Variants in RBM26 observed in about 807,000 individuals in gnomAD.
The protein encoded by RBM26 is RNA binding motif protein 26, also known as RNA-binding protein 26.
Under a neutral mutation model 123.6 loss-of-function variants are expected in RBM26, and 30 were observed. The observed-to-expected ratio is 0.24, with a 90% CI of 0.18 to 0.33. The LOEUF (loss-of-function observed/expected upper bound fraction) is 0.33, where lower values mean the gene tolerates loss of function less well. RBM26 is among the 10% of genes least tolerant of loss of function. RBM26 has a pLI of 1.00. For synonymous variants in RBM26, 400 were observed against 404.4 expected (o/e 0.99, Z 0.13); for missense variants, 947 against 1,203.6 (o/e 0.79, Z 3.15).
intron 20 of RBM26, among the ~76,000 whole-genome samples, chr13:79,333,165 T>C (rs1472097236): frequency 3.9e-5 from 6 of 152,302 alleles, no homozygotes; most frequent in African/African-American, 1.4e-4. Flanking sequence ...CAATATAACA[T>C]ACACACATAC....
chr13:79,330,585 ACTGCAATC>A (rs2069136361), intron 20 of RBM26, among the ~76,000 whole-genome samples: 1 of 152,156 alleles, frequency 6.6e-6, no homozygotes, highest in Non-Finnish European at 1.5e-5. Flanking sequence ...CGAAAAGTAA[ACTGCAATC>A]CTATGGTTCC....
At position 79,368,822 on chromosome 13, in the gene RBM26, G is replaced by A. The variant is rs2075593244; in HGVS notation, c.803C>T (p.Thr268Ile). 1.2e-6 allele frequency: 2 copies of A among 1,613,782 alleles called. No individual in the cohort carries two copies. The highest frequency in any genetic ancestry group is 1.7e-6 in the Non-Finnish European group (2 of 1,179,764). ...IAPTHHGNNT[T>I]ESWSEFHEDQ... Reference sequence around the variant, plus strand: ...TTCATGAAATTCAGACCAACTTTCGGTAGTGTTGTTTCCATGATGAGTAGG... The same window carrying A: ...TTCATGAAATTCAGACCAACTTTCGATAGTGTTGTTTCCATGATGAGTAGG... The change falls in exon 6 of 22, where the codon ACC becomes ATC. Residue 268 changes from threonine to isoleucine, a missense_variant. By Grantham distance (89) the Thr-to-Ile change is moderately conservative (BLOSUM62 -1). This residue lies in a region of RBM26 where 275 missense variants were observed against 361.0 expected (regional missense o/e 0.76). Transcript: ENST00000438737.
intron 18 of RBM26, among the ~76,000 whole-genome samples, chr13:79,339,826 C>T (rs986303192): frequency 6.6e-6 from 1 of 152,172 alleles, no homozygotes; most frequent in Admixed American, 6.5e-5. Flanking sequence ...CCTTTTTTCA[C>T]CAGTTTTCTA....
chr13:79,372,584 C>T (rs1394731267), intron 3 of RBM26, among the ~76,000 whole-genome samples: 1 of 149,844 alleles, frequency 6.7e-6, no homozygotes, highest in Non-Finnish European at 1.5e-5. Flanking sequence ...AACATATATT[C>T]ATGTTTTGGT....
intron 5 of RBM26, among the ~76,000 whole-genome samples, 188 bp downstream of exon 5, chr13:79,370,757 T>C (rs1466799803): frequency 6.6e-6 from 1 of 152,238 alleles, no homozygotes; most frequent in Non-Finnish European, 1.5e-5. Context: ...GAATGTGTAG[T>C]GGTAACTGTG....
chr13:79,352,777 T>C (rs928568181), intron 14 of RBM26, among the ~76,000 whole-genome samples: 9 of 152,182 alleles, frequency 5.9e-5, no homozygotes, highest in African/African-American at 1.9e-4. Context: ...CCCAACGTCA[T>C]GCAGTTAGTA....
In RBM26 at chr13:79,366,051, G is replaced by A; in HGVS notation, c.1276+4C>T. ...TACGAATATAAAAAGGGCCAAAACT[G>A]CACCTGCAGTAAAAAGAGAGGGTGG... On this transcript the variant is annotated splice_donor_region_variant and intron_variant, in intron 8 of 21. Coordinates refer to ENST00000438737, the MANE Select transcript of RBM26 (RefSeq NM_001366735.2). 6.2e-7 allele frequency: 1 copy of A among 1,613,024 alleles called. No individual in the cohort carries two copies. The highest frequency in any genetic ancestry group is 1.7e-5 in the Admixed American group (1 of 59,882).
In RBM26 at chr13:79,344,700, A is replaced by G. The variant is rs10767; in HGVS notation, c.2153T>C (p.Val718Ala). 3 of 1,613,064 alleles carry G rather than the reference A, an allele frequency of 1.9e-6. No individual in the cohort carries two copies. In the South Asian group the frequency reaches 3.3e-5, roughly 18 times the overall value. ...QKTLLVSTSA[V>A]DNNEAQKKKQ... ...TTTTTTCTGTGCTTCATTATTATCA[A>G]CTGCAGAGGTGGAAACAAGTAAGGT... is the stretch of plus-strand genomic sequence containing the variant. The change falls in exon 15 of 22, where the codon GTT (valine) becomes GCT (alanine). Residue 718 changes from valine to alanine, a missense_variant. Val to Ala is a moderately conservative substitution (Grantham distance 64, BLOSUM62 0). This residue lies in a region of RBM26 where 493 missense variants were observed against 563.1 expected (regional missense o/e 0.88). Coordinates refer to ENST00000438737, the MANE Select transcript of RBM26 (RefSeq NM_001366735.2).
chr13:79,359,309 C>G (rs1228571809), intron 10 of RBM26, among the ~76,000 whole-genome samples: 1 of 152,048 alleles, frequency 6.6e-6, no homozygotes, highest in Non-Finnish European at 1.5e-5. Context: ...TTCAACAGGT[C>G]TAAGTTAAAG....
chr13:79,320,802 CAG>C, intron 21 of RBM26, 92 bp from the exon 22 acceptor site: 1 of 1,271,028 alleles, frequency 7.9e-7, no homozygotes, highest in Non-Finnish European at 1.0e-6. Context: ...TCTCTCTCAA[CAG>C]AGTTGAATAC....
intron 1 of RBM26, among the ~76,000 whole-genome samples, chr13:79,398,311 A>C (rs1016172467): frequency 6.6e-6 from 1 of 152,218 alleles, no homozygotes; most frequent in Non-Finnish European, 1.5e-5. Flanking sequence ...TTTTGCTCAT[A>C]ATACAGTCCC....
chr13:79,342,219 GT>G (rs1343794329), intron 17 of RBM26, among the ~76,000 whole-genome samples: 3 of 151,788 alleles, frequency 2.0e-5, no homozygotes, highest in East Asian at 3.9e-4. Context: ...GTATAACCCT[GT>G]TTTTTTCTTA....
At chr13:79,402,012 G>C (rs1404682176) in intron 1 of RBM26, among the ~76,000 whole-genome samples, 2 of 133,174 alleles carry the variant, frequency 1.5e-5, no homozygotes, top group African/African-American at 6.0e-5. Context: ...TAGATGTTTA[G>C]GTGTCTCTTC....
At chr13:79,358,733 G>A (rs1191575661) in intron 10 of RBM26, among the ~76,000 whole-genome samples, 3 of 152,068 alleles carry the variant, frequency 2.0e-5, no homozygotes, top group African/African-American at 4.8e-5. Flanking sequence ...TCCTCTTTTA[G>A]TCAATTTGCA....
intron 7 of RBM26, 32 bp downstream of exon 7, chr13:79,366,597 CTAGA>C (rs1237121803): frequency 4.7e-6 from 7 of 1,478,240 alleles, no homozygotes; most frequent in South Asian, 4.5e-5. Flanking sequence ...CTAAGAATGG[CTAGA>C]TAAATACAGG....
At chr13:79,314,338 T>C (rs1478930670), downstream of RBM26, 1 of 151,756 alleles carries the variant, frequency 6.6e-6, no homozygotes, top group African/African-American at 2.4e-5. Context: ...CCACAGATCA[T>C]CATTTGTCAC....
intron 1 of RBM26, among the ~76,000 whole-genome samples, chr13:79,398,673 A>C (rs2078801625): frequency 6.6e-6 from 1 of 152,220 alleles, no homozygotes; most frequent in Non-Finnish European, 1.5e-5. Flanking sequence ...TAACAAGTAA[A>C]TATTAATATA....
At chr13:79,322,612 A>G (rs2067816452) in intron 20 of RBM26, 150 bp from the exon 21 acceptor site, 1 of 483,642 alleles carries the variant, frequency 2.1e-6, no homozygotes, top group South Asian at 4.0e-5. Flanking sequence ...TTACTATTCA[A>G]TTTACTATTA....
downstream of RBM26, among the ~76,000 whole-genome samples, chr13:79,315,221 C>G (rs149031882): frequency 1.7e-3 from 259 of 151,820 alleles, 2 homozygotes; most frequent in Non-Finnish European, 2.0e-3. Flanking sequence ...TGCAAAAGAT[C>G]ACAGCATACA....
Sources: allele counts gnomAD v4.1 joint callset (sites outside exome capture counted in the v4.1 genomes callset), GRCh38; gene constraint gnomAD v4.1.1; regional missense constraint gnomAD v4.1.1; transcripts MANE v1.5; gene names NCBI Gene and HGNC (gene_info 2026-07-23, HGNC 2026-07-21).